Variants in AGBL4 observed in about 807,000 individuals in gnomAD.
AGBL4 encodes AGBL carboxypeptidase 4, also known as cytosolic carboxypeptidase 6.
A neutral mutation model predicts 66.4 loss-of-function variants in AGBL4; 58 were observed. That is an observed-to-expected ratio of 0.87 (90% CI 0.71 to 1.09). The LOEUF (loss-of-function observed/expected upper bound fraction) is 1.09. AGBL4 is among the 50% of genes least tolerant of loss of function. The pLI, the probability that AGBL4 is intolerant of heterozygous loss-of-function variation, is 0.00. For missense variants in AGBL4, 579 were observed against 631.0 expected, an observed-to-expected ratio of 0.92 and a Z score of 0.88; for synonymous variants, 234 against 222.9, an observed-to-expected ratio of 1.05 and a Z score of -0.44.
intron 3 of AGBL4, among the ~76,000 whole-genome samples, chr1:49,387,567 A>C (rs1393125999): frequency 1.3e-5 from 2 of 152,004 alleles, no homozygotes. Flanking sequence ...ACCCAAACTG[A>C]AAAAGGTTGG....
At chr1:49,194,176 T>G (rs185029155) in intron 4 of AGBL4, among the ~76,000 whole-genome samples, 19 of 152,308 alleles carry the variant, frequency 1.2e-4, no homozygotes, top group Non-Finnish European at 4.4e-5. Flanking sequence ...AATACTTGTT[T>G]TATGAATCTG....
chr1:49,902,475 G>A (rs1305248707), intron 1 of AGBL4, among the ~76,000 whole-genome samples: 2 of 152,124 alleles, frequency 1.3e-5, no homozygotes, highest in Non-Finnish European at 2.9e-5. Context: ...CAGGCCGGGT[G>A]TGGTGGCTCA....
intron 4 of AGBL4, among the ~76,000 whole-genome samples, chr1:49,094,684 T>C (rs1645061865): frequency 6.6e-6 from 1 of 152,042 alleles, no homozygotes; most frequent in Non-Finnish European, 1.5e-5. Context: ...ATGGGCTGTA[T>C]CTCAAAATAA....
chr1:49,799,595 T>C (rs1310060697), intron 2 of AGBL4, among the ~76,000 whole-genome samples: 2 of 152,064 alleles, frequency 1.3e-5, no homozygotes, highest in Admixed American at 6.6e-5. Context: ...GAGAGACAGA[T>C]ACATAGTAGA....
chr1:48,548,910 A>G (rs1436870037), intron 11 of AGBL4, among the ~76,000 whole-genome samples: 1 of 152,198 alleles, frequency 6.6e-6, no homozygotes, highest in Admixed American at 6.5e-5. Context: ...GTTCATTTAT[A>G]TATTCATATT....
At chr1:48,537,923 T>G (rs1207057739) in intron 12 of AGBL4, among the ~76,000 whole-genome samples, 5 of 152,202 alleles carry the variant, frequency 3.3e-5, no homozygotes, top group Non-Finnish European at 5.9e-5. Flanking sequence ...CAGCCACTCA[T>G]CCCAGCACTT....
At chr1:49,966,720 G>T (rs908031816) in intron 1 of AGBL4, among the ~76,000 whole-genome samples, 1 of 151,968 alleles carries the variant, frequency 6.6e-6, no homozygotes, top group Non-Finnish European at 1.5e-5. Flanking sequence ...TATCTAAAGG[G>T]TTATGAACAA....
intron 5 of AGBL4, among the ~76,000 whole-genome samples, chr1:48,920,705 T>G (rs1379919278): frequency 1.3e-5 from 2 of 152,292 alleles, no homozygotes. Context: ...CCTTGCTGTT[T>G]GAGGTGTACC....
At chr1:49,764,609 C>T (rs1005985476) in intron 2 of AGBL4, among the ~76,000 whole-genome samples, 6 of 152,072 alleles carry the variant, frequency 3.9e-5, no homozygotes, top group African/African-American at 1.4e-4. Context: ...TACCCTATTC[C>T]AACTCTTCTA....
intron 4 of AGBL4, among the ~76,000 whole-genome samples, chr1:49,232,044 G>C (rs1650351240): frequency 6.6e-6 from 1 of 152,134 alleles, no homozygotes; most frequent in Non-Finnish European, 1.5e-5. Flanking sequence ...GGGTTTATCA[G>C]ATTGTAACCC....
At position 49,895,168 on chromosome 1, in the gene AGBL4, C is replaced by A. The variant is rs908898962; in HGVS notation, c.35-43650G>T. 2.9e-4 allele frequency among the ~76,000 whole-genome samples: 43 copies of A among 150,464 alleles called. 1 individual carries two copies. Among genetic ancestry groups the A allele is most frequent in the African/African-American group, 1.0e-3 (41 of 40,988 alleles). ...GAATAGTATATTTAGCAAAAATACT[C>A]TCCTGGGAAAAGAAGACTTTCCCAG... On this transcript the variant is annotated intron_variant, in intron 1 of 13. Transcript: ENST00000371839.
At chr1:48,872,040 T>G (rs531116974) in intron 5 of AGBL4, among the ~76,000 whole-genome samples, 46 of 152,272 alleles carry the variant, frequency 3.0e-4, no homozygotes, top group Admixed American at 2.2e-3. Flanking sequence ...AAATCACACA[T>G]GCTGATTTTT....
intron 5 of AGBL4, among the ~76,000 whole-genome samples, chr1:48,911,286 G>C (rs1653070657): frequency 6.6e-6 from 1 of 152,144 alleles, no homozygotes; most frequent in East Asian, 1.9e-4. Flanking sequence ...TTGTTTAAGA[G>C]ACTTCATCTC....
chr1:49,468,878 C>A (rs984104373), intron 3 of AGBL4, among the ~76,000 whole-genome samples: 1 of 151,694 alleles, frequency 6.6e-6, no homozygotes, highest in Non-Finnish European at 1.5e-5. Flanking sequence ...AAGAAATGCC[C>A]TTTTTGTACA....
intron 6 of AGBL4, among the ~76,000 whole-genome samples, chr1:48,697,188 G>A (rs754842930): frequency 1.3e-5 from 2 of 152,214 alleles, no homozygotes; most frequent in East Asian, 3.9e-4. Flanking sequence ...TATTCTGAAG[G>A]GCCAGGGAGC....
chr1:50,012,311 A>T (rs1280059334), intron 1 of AGBL4, among the ~76,000 whole-genome samples: 3 of 152,084 alleles, frequency 2.0e-5, no homozygotes, highest in Admixed American at 6.5e-5. Context: ...GACTATAGTC[A>T]ATAATAACTT....
intron 4 of AGBL4, among the ~76,000 whole-genome samples, chr1:49,149,390 C>T (rs1646282489): frequency 6.6e-6 from 1 of 152,164 alleles, no homozygotes; most frequent in Admixed American, 6.5e-5. Context: ...ACAAACAGAA[C>T]AGTTTCTCTC....
In AGBL4 at chr1:49,743,380, C is replaced by A. The variant is rs375192234; in HGVS notation, c.158-45943G>T. Among the ~76,000 whole-genome samples the A allele has an allele frequency of 3.3e-3, 507 of 152,076 alleles. 2 individuals carry two copies. Among genetic ancestry groups the A allele is most frequent in the African/African-American group, 0.011 (475 of 41,486 alleles). ...ACCATCTCACACCAGTTAGAATGGC[C>A]ATCATTAAAAAGTCAGGAAACAACA... is the stretch of plus-strand genomic sequence containing the variant. On this transcript the variant is annotated intron_variant, in intron 2 of 13. Coordinates refer to ENST00000371839, the MANE Select transcript of AGBL4 (RefSeq NM_032785.4).
At chr1:49,164,796 C>G (rs1411221194) in intron 4 of AGBL4, among the ~76,000 whole-genome samples, 3 of 152,190 alleles carry the variant, frequency 2.0e-5, no homozygotes, top group Non-Finnish European at 4.4e-5. Context: ...TATGCCCACT[C>G]ACTTGTGGGA....
Sources: gnomAD v4.1 joint callset for allele counts (sites outside exome capture counted in the v4.1 genomes callset) on GRCh38, gnomAD v4.1.1 for gene constraint, MANE v1.5 for transcripts, NCBI Gene and HGNC (gene_info 2026-07-23, HGNC 2026-07-21) for gene names.